CCSER1: variants seen among roughly 807,000 people sequenced by gnomAD.
CCSER1 encodes the protein serine-rich coiled-coil domain-containing protein 1.
CCSER1 carries 41 observed loss-of-function variants against 82.0 expected under a neutral mutation model. The observed-to-expected ratio is 0.50, with a 90% confidence interval of 0.39 to 0.65. CCSER1 has a LOEUF of 0.65. Ranked by LOEUF, CCSER1 falls within the 30% of genes least tolerant of loss-of-function variation. CCSER1 has a pLI of 0.00. For missense variants in CCSER1, 1,119 were observed against 1,064.2 expected (o/e 1.05, Z -0.72); for synonymous variants, 414 against 383.9 (o/e 1.08, Z -0.92).
At chr4:90,315,197 T>C (rs1735968729) in intron 3 of CCSER1, among the ~76,000 whole-genome samples, 1 of 152,152 alleles carries the variant, frequency 6.6e-6, no homozygotes, top group African/African-American at 2.4e-5. Flanking sequence ...AAAGTGGTTT[T>C]GTTCCTTTGA....
intron 10 of CCSER1, among the ~76,000 whole-genome samples, chr4:91,207,366 C>T (rs75102743): frequency 0.034 from 5,178 of 151,152 alleles, 123 homozygotes; most frequent in Non-Finnish European, 0.052. Flanking sequence ...TTTTTTGGAA[C>T]ATCTCCATCC....
chr4:90,432,747 G>C (rs1758464730), intron 4 of CCSER1, among the ~76,000 whole-genome samples: 1 of 152,070 alleles, frequency 6.6e-6, no homozygotes. Flanking sequence ...GTGTCACCCT[G>C]CTGGGCTTAA....
intron 8 of CCSER1, among the ~76,000 whole-genome samples, chr4:90,860,229 T>C (rs980248799): frequency 1.3e-5 from 2 of 151,644 alleles, no homozygotes; most frequent in Non-Finnish European, 3.0e-5. Context: ...GATATATGAA[T>C]GTCCAATAAG....
intron 10 of CCSER1, among the ~76,000 whole-genome samples, chr4:91,507,886 A>G (rs1448313185): frequency 6.6e-6 from 1 of 151,462 alleles, no homozygotes; most frequent in Non-Finnish European, 1.5e-5. Flanking sequence ...ATTCATTGCT[A>G]CTGTATAGAG....
At chr4:90,849,488 G>A (rs957250838) in intron 8 of CCSER1, among the ~76,000 whole-genome samples, 9 of 152,130 alleles carry the variant, frequency 5.9e-5, no homozygotes, top group African/African-American at 2.2e-4. Flanking sequence ...GGCTGAAGAT[G>A]CAATAGAAAA....
rs1373799091 is a variant in CCSER1 at position 90,684,085 on chromosome 4, T to G, written c.1933-39829T>G. On this transcript the variant is annotated intron_variant, in intron 6 of 10. Coordinates refer to ENST00000509176, the MANE Select transcript of CCSER1 (RefSeq NM_001145065.2). ...TTTGAATTAACGGCCTCACATCACC[T>G]TTCAAAATTTGAAACATTCTTATGA... Among the ~76,000 whole-genome samples, 6 of 152,298 alleles carry G rather than the reference T, an allele frequency of 3.9e-5. No homozygotes were observed. In the East Asian group the frequency reaches 1.2e-3, roughly 29 times the overall value.
At chr4:90,798,210 TATTTC>T (rs1393565045) in intron 7 of CCSER1, among the ~76,000 whole-genome samples, 2 of 152,152 alleles carry the variant, frequency 1.3e-5, no homozygotes, top group Non-Finnish European at 2.9e-5. Context: ...CTGACTGCCT[TATTTC>T]AGAAAGTCAG....
At chr4:90,360,241 A>C (rs1372911213) in intron 3 of CCSER1, among the ~76,000 whole-genome samples, 1 of 146,024 alleles carries the variant, frequency 6.8e-6, no homozygotes, top group Non-Finnish European at 1.5e-5. Flanking sequence ...ATAAAAAAAC[A>C]TCCACGGCCA....
intron 10 of CCSER1, among the ~76,000 whole-genome samples, chr4:91,384,209 A>G (rs560799621): frequency 1.6e-4 from 24 of 151,524 alleles, no homozygotes; most frequent in Non-Finnish European, 2.4e-4. Context: ...TCTTTACTGG[A>G]AGATAGAAAA....
chr4:91,603,218 A>C lies in CCSER1; in HGVS notation c.*4161A>C, dbSNP rs1187990253. The C allele has an allele frequency of 1.3e-5, 2 of 152,122 alleles. No individual in the cohort carries two copies. Among genetic ancestry groups the C allele is most frequent in the African/African-American group, 2.4e-5 (1 of 41,462 alleles). 9.4% of individuals were successfully genotyped at this position (152,122 alleles called of 1,614,324 possible). A position where few individuals can be genotyped will look rare whatever the true frequency, so the allele number is the denominator to read the frequency against. On this transcript the variant is annotated 3_prime_UTR_variant, in exon 11 of 11. Transcript: ENST00000509176. Reference sequence around the variant, plus strand: ...AGTCAACTAAGCAACCAAACAAAACAGCTCTCTTCTTTAATAATATTCATC... The same window carrying C: ...AGTCAACTAAGCAACCAAACAAAACCGCTCTCTTCTTTAATAATATTCATC...
At chr4:90,327,270 T>C (rs938243721) in intron 3 of CCSER1, among the ~76,000 whole-genome samples, 2 of 152,180 alleles carry the variant, frequency 1.3e-5, no homozygotes, top group Non-Finnish European at 2.9e-5. Context: ...TTTTTACCCA[T>C]TGGTGTTCAT....
At chr4:90,921,236 A>T (rs1728335821) in intron 8 of CCSER1, among the ~76,000 whole-genome samples, 2 of 151,954 alleles carry the variant, frequency 1.3e-5, no homozygotes, top group South Asian at 4.1e-4. Context: ...TTCTAAGTGT[A>T]TGTGATAGAC....
At chr4:90,977,067 A>G (rs1735677172) in intron 9 of CCSER1, among the ~76,000 whole-genome samples, 1 of 151,628 alleles carries the variant, frequency 6.6e-6, no homozygotes. Flanking sequence ...TTTAGTTTTT[A>G]TTGGTACCAA....
intron 10 of CCSER1, among the ~76,000 whole-genome samples, chr4:91,568,247 A>ACCTG (rs1463891576): frequency 6.6e-6 from 1 of 151,820 alleles, no homozygotes; most frequent in Non-Finnish European, 1.5e-5. Flanking sequence ...TTTGTAGGTG[A>ACCTG]CCTGCCCTTT....
chr4:90,804,273 A>T (rs748769882), intron 7 of CCSER1, among the ~76,000 whole-genome samples: 1 of 152,144 alleles, frequency 6.6e-6, no homozygotes, highest in Admixed American at 6.5e-5. Flanking sequence ...TGTTTTAGAC[A>T]TGAAGTCTTT....
intron 8 of CCSER1, among the ~76,000 whole-genome samples, chr4:90,875,872 T>C (rs1303995898): frequency 6.6e-6 from 1 of 152,146 alleles, no homozygotes; most frequent in African/African-American, 2.4e-5. Context: ...TTAAATGGAA[T>C]ATAACCAAAC....
intron 10 of CCSER1, among the ~76,000 whole-genome samples, chr4:91,537,333 T>C (rs1761347597): frequency 6.6e-6 from 1 of 152,208 alleles, no homozygotes; most frequent in Admixed American, 6.6e-5. Context: ...CTTCACTATA[T>C]ACATTTGAAC....
rs189933063 is a variant in CCSER1 at position 91,295,368 on chromosome 4, G to T, written c.2217+209374G>T. ...AATATACAAGAAATTAATTTTTAAA[G>T]AAATACAGTATTGTTTGTAAAGAGG... On this transcript the variant is annotated intron_variant, in intron 10 of 10. Coordinates refer to ENST00000509176, the MANE Select transcript of CCSER1 (RefSeq NM_001145065.2). 1.0e-3 allele frequency among the ~76,000 whole-genome samples: 159 copies of T among 151,884 alleles called. 1 individual carries two copies. The highest frequency in any genetic ancestry group is 7.9e-3 in the Admixed American group (121 of 15,224).
At chr4:91,344,269 G>T (rs935304819) in intron 10 of CCSER1, among the ~76,000 whole-genome samples, 3 of 152,074 alleles carry the variant, frequency 2.0e-5, no homozygotes, top group Admixed American at 2.0e-4. Context: ...ACCAGTTCTT[G>T]CCAGTGCCTT....
Sources: allele counts gnomAD v4.1 joint callset (sites outside exome capture counted in the v4.1 genomes callset), GRCh38; gene constraint gnomAD v4.1.1; transcripts MANE v1.5; gene names NCBI Gene and HGNC (gene_info 2026-07-23, HGNC 2026-07-21).